The following FAF1 variants were observed in gnomAD, a reference collection of about 807,000 sequenced individuals.
FAF1 encodes FAS-associated factor 1.
A neutral mutation model predicts 92.5 loss-of-function variants in FAF1; 25 were observed. The ratio of observed to expected loss-of-function variants is 0.27; its 90% CI spans 0.20 to 0.38. The LOEUF (loss-of-function observed/expected upper bound fraction) is 0.38, where lower values mean the gene tolerates loss of function less well. Among genes scored for constraint, FAF1 ranks in the 10% least tolerant of loss-of-function variants. FAF1 has a pLI of 1.00. For missense variants in FAF1, 636 were observed against 793.3 expected, an observed-to-expected ratio of 0.80 and a Z score of 2.38; for synonymous variants, 234 against 273.2, an observed-to-expected ratio of 0.86 and a Z score of 1.42.
At chr1:50,570,201 A>T (rs907501136) in intron 12 of FAF1, among the ~76,000 whole-genome samples, 6 of 152,234 alleles carry the variant, frequency 3.9e-5, no homozygotes, top group African/African-American at 1.4e-4. Context: ...CACAAAGCCT[A>T]GGAAGATTAA....
intron 4 of FAF1, among the ~76,000 whole-genome samples, chr1:50,754,606 T>C (rs1385652201): frequency 1.3e-5 from 2 of 152,214 alleles, no homozygotes; most frequent in East Asian, 1.9e-4. Context: ...ACTTTCTTTA[T>C]CTGTAATTAA....
intron 7 of FAF1, among the ~76,000 whole-genome samples, chr1:50,684,416 A>G (rs1656563574): frequency 6.6e-6 from 1 of 152,162 alleles, no homozygotes; most frequent in African/African-American, 2.4e-5. Context: ...AAAGCAGCTG[A>G]TATACTCAAT....
chr1:50,615,680 T>G (rs1652883063), intron 8 of FAF1, among the ~76,000 whole-genome samples: 2 of 152,218 alleles, frequency 1.3e-5, no homozygotes, highest in Admixed American at 1.3e-4. Flanking sequence ...AAATGTCTGT[T>G]TATATCCTTT....
chr1:50,584,115 T>C (rs1464917378), intron 10 of FAF1, among the ~76,000 whole-genome samples: 1 of 152,146 alleles, frequency 6.6e-6, no homozygotes, highest in African/African-American at 2.4e-5. Flanking sequence ...ACCAATTTTA[T>C]GTAAACATCA....
At chr1:50,786,295 G>A (rs1210542882) in intron 4 of FAF1, among the ~76,000 whole-genome samples, 1 of 152,168 alleles carries the variant, frequency 6.6e-6, no homozygotes, top group South Asian at 2.1e-4. Flanking sequence ...AGAAAATCCT[G>A]CTATATGCTA....
chr1:50,556,815 C>A (rs1649605871), intron 13 of FAF1, among the ~76,000 whole-genome samples: 1 of 151,568 alleles, frequency 6.6e-6, no homozygotes, highest in African/African-American at 2.4e-5. Context: ...CCAGCCTGGG[C>A]ACCAGAGCAA....
intron 9 of FAF1, among the ~76,000 whole-genome samples, chr1:50,589,499 C>G (rs1203525608): frequency 6.6e-6 from 1 of 152,160 alleles, no homozygotes; most frequent in Non-Finnish European, 1.5e-5. Flanking sequence ...AGTCTTGCAG[C>G]TCTGGGTCTT....
At chr1:50,925,236 A>C (rs1644995867) in intron 1 of FAF1, among the ~76,000 whole-genome samples, 1 of 152,184 alleles carries the variant, frequency 6.6e-6, no homozygotes, top group Non-Finnish European at 1.5e-5. Context: ...TAAAGACTTA[A>C]ATGTAAGACT....
chr1:50,513,427 T>G (rs1355386809), intron 15 of FAF1, among the ~76,000 whole-genome samples: 1 of 151,920 alleles, frequency 6.6e-6, no homozygotes, highest in Non-Finnish European at 1.5e-5. Flanking sequence ...GAGGCGGAGG[T>G]TGCAGTGAGA....
chr1:50,818,912 T>C (rs1644004229), intron 2 of FAF1, among the ~76,000 whole-genome samples: 1 of 152,118 alleles, frequency 6.6e-6, no homozygotes. Context: ...TTCATATATA[T>C]CTTATACACA....
intron 13 of FAF1, among the ~76,000 whole-genome samples, chr1:50,552,850 G>T (rs1649375701): frequency 6.6e-6 from 1 of 152,160 alleles, no homozygotes; most frequent in South Asian, 2.1e-4. Flanking sequence ...ACTAACTAGA[G>T]AATCCCAAAT....
chr1:50,457,983 G>T (rs1451988159), intron 18 of FAF1, among the ~76,000 whole-genome samples: 3 of 152,044 alleles, frequency 2.0e-5, no homozygotes, highest in African/African-American at 7.2e-5. Context: ...GGAGGCTGAG[G>T]TGGGTGGATC....
intron 8 of FAF1, among the ~76,000 whole-genome samples, chr1:50,611,399 CCT>C (rs542168078): frequency 1.3e-5 from 2 of 152,128 alleles, no homozygotes; most frequent in South Asian, 2.1e-4. Flanking sequence ...TTATTATAAG[CCT>C]CTCTGTTTCA....
chr1:50,569,259 T>C (rs1205211444), intron 12 of FAF1, among the ~76,000 whole-genome samples: 1 of 152,146 alleles, frequency 6.6e-6, no homozygotes, highest in Non-Finnish European at 1.5e-5. Context: ...ATTAGTATTA[T>C]AACTGTTTAC....
At chr1:50,671,276 G>C (rs928426599) in intron 7 of FAF1, among the ~76,000 whole-genome samples, 1 of 151,662 alleles carries the variant, frequency 6.6e-6, no homozygotes, top group Non-Finnish European at 1.5e-5. Flanking sequence ...ATGTTGGTAC[G>C]AACCTGTAAT....
intron 6 of FAF1, among the ~76,000 whole-genome samples, chr1:50,731,955 A>G (rs1182712356): frequency 6.6e-6 from 1 of 152,132 alleles, no homozygotes; most frequent in Non-Finnish European, 1.5e-5. Flanking sequence ...ATTCTTTGAT[A>G]CTGGCTTTGT....
chr1:50,867,302 A>G (rs1034052414), intron 1 of FAF1, among the ~76,000 whole-genome samples: 2 of 152,236 alleles, frequency 1.3e-5, no homozygotes, highest in African/African-American at 4.8e-5. Context: ...AAGAACACAA[A>G]AGCAAATGGA....
chr1:50,486,775 A>T (rs1489961811), intron 17 of FAF1, among the ~76,000 whole-genome samples: 2 of 152,206 alleles, frequency 1.3e-5, no homozygotes, highest in African/African-American at 2.4e-5. Flanking sequence ...TGCACACAGA[A>T]GGAGATTAAC....
chr1:50,788,215 T>G lies in FAF1; in HGVS notation c.162-10A>C. The G allele has an allele frequency of 6.2e-7, 1 of 1,609,208 alleles. No homozygotes were observed. Among genetic ancestry groups the G allele is most frequent in the East Asian group, 2.2e-5 (1 of 44,816 alleles). Reference sequence around the variant, plus strand: ...CTCACCTCCATATTCACTAAAATGTTGACATAAAAGAAGGATTATTGTCAA... The same window carrying G: ...CTCACCTCCATATTCACTAAAATGTGGACATAAAAGAAGGATTATTGTCAA... On this transcript the variant is annotated splice_polypyrimidine_tract_variant and intron_variant, in intron 3 of 18. Coordinates refer to ENST00000396153, the MANE Select transcript of FAF1 (RefSeq NM_007051.3).
Sources: allele counts gnomAD v4.1 joint callset (sites outside exome capture counted in the v4.1 genomes callset), GRCh38; gene constraint gnomAD v4.1.1; transcripts MANE v1.5; gene names NCBI Gene and HGNC (gene_info 2026-07-23, HGNC 2026-07-21).